The following ALMS1 variants were observed in gnomAD, a reference collection of about 807,000 sequenced individuals.
ALMS1 encodes the protein ALMS1 centrosome and basal body associated protein.
Under a neutral mutation model 352.2 loss-of-function variants are expected in ALMS1, and 271 were observed. The ratio of observed to expected loss-of-function variants is 0.77; its 90% CI spans 0.70 to 0.85. The LOEUF (loss-of-function observed/expected upper bound fraction) is 0.85. Among genes scored for constraint, ALMS1 ranks in the 40% least tolerant of loss-of-function variants. The pLI, the probability that ALMS1 is intolerant of heterozygous loss-of-function variation, is 0.00. For missense variants in ALMS1, 5,445 were observed against 4,870.7 expected (o/e 1.12, Z -3.51); for synonymous variants, 1,865 against 1,761.2 (o/e 1.06, Z -1.48).
chr2:73,580,400 A>G (rs1675152939), intron 16 of ALMS1, among the ~76,000 whole-genome samples: 1 of 151,970 alleles, frequency 6.6e-6, no homozygotes, highest in Admixed American at 6.6e-5. Context: ...TCAGCTTCAT[A>G]TTTTCTATTT....
intron 10 of ALMS1, among the ~76,000 whole-genome samples, chr2:73,508,082 C>A (rs72811934): frequency 1.3e-5 from 2 of 151,766 alleles, no homozygotes; most frequent in African/African-American, 4.8e-5. Context: ...TGTAGTTGTG[C>A]GGTTTTGAGT....
chr2:73,515,768 TACACACACAC>T (rs71406825), intron 10 of ALMS1, among the ~76,000 whole-genome samples: 4,337 of 141,572 alleles, frequency 0.031, 81 homozygotes, highest in Non-Finnish European at 0.049. Context: ...TCCACAGAAA[TACACACACAC>T]ACACACACAC....
intron 11 of ALMS1, among the ~76,000 whole-genome samples, chr2:73,531,098 T>C (rs1391855284): frequency 6.6e-6 from 1 of 152,278 alleles, no homozygotes; most frequent in Non-Finnish European, 1.5e-5. Flanking sequence ...TCGTTACTTA[T>C]GCAAATTTCT....
chr2:73,497,240 AT>A (rs1050761565), intron 10 of ALMS1, among the ~76,000 whole-genome samples: 4 of 151,458 alleles, frequency 2.6e-5, no homozygotes, highest in African/African-American at 9.7e-5. Flanking sequence ...GATTATTTTA[AT>A]TTTTTTCCAG....
At chr2:73,421,506 ATTGT>A (rs1245811668) in intron 3 of ALMS1, among the ~76,000 whole-genome samples, 8 of 152,136 alleles carry the variant, frequency 5.3e-5, no homozygotes, top group Admixed American at 5.2e-4. Flanking sequence ...AACTGTACCA[ATTGT>A]TCCTTGGTGG....
intron 9 of ALMS1, among the ~76,000 whole-genome samples, chr2:73,483,819 A>G (rs1416692962): frequency 2.7e-5 from 4 of 146,520 alleles, no homozygotes; most frequent in Non-Finnish European, 6.0e-5. Context: ...TCCCTTTACC[A>G]TTATGTAATG....
At chr2:73,435,635 CTGT>C (rs1671590456) in intron 7 of ALMS1, among the ~76,000 whole-genome samples, 1 of 151,094 alleles carries the variant, frequency 6.6e-6, no homozygotes, top group Non-Finnish European at 1.5e-5. Flanking sequence ...GGGACTTGCT[CTGT>C]TGCCCAGGTT....
At chr2:73,435,583 C>A (rs994219642) in intron 7 of ALMS1, among the ~76,000 whole-genome samples, 2 of 151,340 alleles carry the variant, frequency 1.3e-5, no homozygotes, top group African/African-American at 4.9e-5. Flanking sequence ...TACTCACACA[C>A]GTATATAAAT....
intron 2 of ALMS1, among the ~76,000 whole-genome samples, chr2:73,418,899 G>A (rs1251338389): frequency 6.6e-6 from 1 of 152,100 alleles, no homozygotes; most frequent in East Asian, 1.9e-4. Context: ...ATACAACTTA[G>A]TATAAAAGGT....
In ALMS1 at chr2:73,491,472, A is replaced by G. The variant is rs1364558731; in HGVS notation, c.9513A>G (p.Pro3171=). The part of the protein sequence containing the change: ...NISDFEGHSN[P]EGTPVFADRL... ...CAGATTTCGAAGGACATTCCAATCC[A>G]GAGGGGACCCCAGTATTTGCAGATC... Residue 3171 remains proline (P), a synonymous_variant, in exon 10 of 23, where the codon CCA becomes CCG. Transcript: ENST00000613296. 1.2e-6 allele frequency: 2 copies of G among 1,613,970 alleles called. No homozygotes were observed. Among genetic ancestry groups the G allele is most frequent in the Non-Finnish European group, 1.7e-6 (2 of 1,180,010 alleles).
intron 13 of ALMS1, among the ~76,000 whole-genome samples, chr2:73,552,672 G>T (rs936306609): frequency 6.6e-6 from 1 of 152,160 alleles, no homozygotes; most frequent in Non-Finnish European, 1.5e-5. Context: ...CCTCCTCCTG[G>T]CTTAGTCCTT....
chr2:73,594,208 A>G (rs12477496), intron 16 of ALMS1, among the ~76,000 whole-genome samples: 4,485 of 151,872 alleles, frequency 0.03, 148 homozygotes, highest in Admixed American at 0.091. Context: ...GAGGGTTCCA[A>G]TTTTTCCACA....
At position 73,405,169 on chromosome 2, in the gene ALMS1, C is replaced by T. The variant is rs532491328; in HGVS notation, c.325-3453C>T. ...GCTCAAGCATTTCTCCTGCCTTGGC[C>T]TCCCAAAGTACTGGGATTACAGGTG... is the stretch of plus-strand genomic sequence containing the variant. On this transcript the variant is annotated intron_variant, in intron 1 of 22. Coordinates refer to ENST00000613296, the MANE Select transcript of ALMS1 (RefSeq NM_001378454.1). Among the ~76,000 whole-genome samples, 9 of 152,122 alleles carry T rather than the reference C, an allele frequency of 5.9e-5. No homozygotes were observed. The South Asian group carries it at 1.0e-3, about 18-fold the overall frequency.
chr2:73,416,798 G>GAGTT (rs143078717), intron 2 of ALMS1, among the ~76,000 whole-genome samples: 9 of 151,756 alleles, frequency 5.9e-5, no homozygotes, highest in South Asian at 4.1e-4. Context: ...CAAATTGAAT[G>GAGTT]AATTATTTAA....
At chr2:73,576,951 G>A (rs1051915016) in intron 16 of ALMS1, among the ~76,000 whole-genome samples, 2 of 151,922 alleles carry the variant, frequency 1.3e-5, no homozygotes, top group Non-Finnish European at 2.9e-5. Flanking sequence ...TGTTAATATG[G>A]TGTATATTTA....
intron 16 of ALMS1, among the ~76,000 whole-genome samples, chr2:73,582,492 A>G (rs1675207669): frequency 6.6e-6 from 1 of 152,042 alleles, no homozygotes; most frequent in South Asian, 2.1e-4. Flanking sequence ...TCATATTGCA[A>G]ACCTGAAACT....
At position 73,452,649 on chromosome 2, in the gene ALMS1, A is replaced by C. The variant is rs749944468; in HGVS notation, c.6122A>C (p.Gln2041Pro). ...CCAAATGACCAGAAGACTCCATCCC[A>C]GACAGCTTTTCATAGTTCCTATTCT... ...IGPNDQKTPS[Q>P]TAFHSSYSQT... The change falls in exon 8 of 23, where the codon CAG becomes CCG. Residue 2041 changes from glutamine to proline, a missense_variant. Transcript: ENST00000613296. The C allele has an allele frequency of 1.2e-6, 2 of 1,614,050 alleles. No homozygotes were observed. Among genetic ancestry groups the C allele is most frequent in the Admixed American group, 3.3e-5 (2 of 60,024 alleles).
intron 16 of ALMS1, among the ~76,000 whole-genome samples, chr2:73,583,634 T>C (rs921654149): frequency 6.6e-6 from 1 of 152,238 alleles, no homozygotes; most frequent in Non-Finnish European, 1.5e-5. Flanking sequence ...CATTTAGGTC[T>C]TTAACCCATT....
intron 13 of ALMS1, among the ~76,000 whole-genome samples, chr2:73,555,344 A>C (rs1404417962): frequency 6.6e-6 from 1 of 152,224 alleles, no homozygotes; most frequent in Admixed American, 6.5e-5. Context: ...CAGAGATGGC[A>C]TAACAATCTG....
Sources: gnomAD v4.1 joint callset for allele counts (sites outside exome capture counted in the v4.1 genomes callset) on GRCh38, gnomAD v4.1.1 for gene constraint, MANE v1.5 for transcripts, NCBI Gene and HGNC (gene_info 2026-07-23, HGNC 2026-07-21) for gene names.